RPRD1A: variants seen among roughly 807,000 people sequenced by gnomAD.
RPRD1A encodes regulation of nuclear pre-mRNA domain containing 1A, also known as regulation of nuclear pre-mRNA domain-containing protein 1A.
A neutral mutation model predicts 37.8 loss-of-function variants in RPRD1A; 9 were observed. The observed-to-expected ratio is 0.24, with a 90% confidence interval of 0.14 to 0.42. RPRD1A has a LOEUF of 0.42. RPRD1A is among the 10% of genes least tolerant of loss of function. The pLI is 1.00. For missense variants in RPRD1A, 255 were observed against 371.0 expected, an observed-to-expected ratio of 0.69 and a Z score of 2.57; for synonymous variants, 138 against 139.7, an observed-to-expected ratio of 0.99 and a Z score of 0.08.
Position 35,999,211 on chromosome 18 carries a change from C to T in RPRD1A, c.790-5911G>A, listed in dbSNP as rs9966751. 9.8e-3 allele frequency among the ~76,000 whole-genome samples: 1,496 copies of T among 152,222 alleles called. 24 individuals are homozygous for T. Among genetic ancestry groups the T allele is most frequent in the African/African-American group, 0.034 (1,419 of 41,514 alleles). ...AGCAGGGGACTGAGTATTAACAGTA[C>T]GCCCCAGTCAACACTCCATGAAGTC... On this transcript the variant is annotated intron_variant, in intron 6 of 6. Coordinates refer to ENST00000399022, the MANE Select transcript of RPRD1A (RefSeq NM_018170.5).
intron 6 of RPRD1A, among the ~76,000 whole-genome samples, chr18:36,016,225 T>C (rs1370609764): frequency 1.3e-5 from 2 of 152,054 alleles, no homozygotes; most frequent in East Asian, 3.9e-4. Flanking sequence ...ATATCTTTTC[T>C]TTTTTCTTTT....
At chr18:36,016,978 T>C (rs1432427597) in intron 6 of RPRD1A, among the ~76,000 whole-genome samples, 1 of 151,978 alleles carries the variant, frequency 6.6e-6, no homozygotes, top group Non-Finnish European at 1.5e-5. Flanking sequence ...TCAATGGTTT[T>C]TCAACTATGA....
chr18:36,051,015 A>G (rs1470388222), intron 1 of RPRD1A, among the ~76,000 whole-genome samples: 1 of 152,070 alleles, frequency 6.6e-6, no homozygotes, highest in Non-Finnish European at 1.5e-5. Context: ...AAAAACCTGC[A>G]TATAATTTTT....
At chr18:36,029,189 C>G (rs954369156) in intron 4 of RPRD1A, among the ~76,000 whole-genome samples, 10 of 152,194 alleles carry the variant, frequency 6.6e-5, no homozygotes, top group Non-Finnish European at 1.5e-4. Context: ...AGGTCGTGGC[C>G]TTGGTCTGAT....
intron 1 of RPRD1A, among the ~76,000 whole-genome samples, chr18:36,036,627 A>T (rs1912211300): frequency 6.6e-6 from 1 of 152,162 alleles, no homozygotes; most frequent in African/African-American, 2.4e-5. Context: ...GCCCTTCCCT[A>T]AATTTTCAGG....
intron 6 of RPRD1A, among the ~76,000 whole-genome samples, chr18:36,011,439 A>C (rs1341762517): frequency 6.6e-6 from 1 of 152,170 alleles, no homozygotes; most frequent in Non-Finnish European, 1.5e-5. Context: ...ACATGTAAAA[A>C]TATTTTATTT....
intron 6 of RPRD1A, among the ~76,000 whole-genome samples, chr18:36,020,470 A>G (rs1910921320): frequency 6.6e-6 from 1 of 152,226 alleles, no homozygotes; most frequent in Admixed American, 6.5e-5. Flanking sequence ...ATCATCAAAG[A>G]AGGCAATAAG....
intron 6 of RPRD1A, among the ~76,000 whole-genome samples, chr18:35,996,977 C>CAAAAAA (rs200694089): frequency 3.4e-4 from 19 of 55,618 alleles, no homozygotes; most frequent in African/African-American, 1.3e-3. Flanking sequence ...GACCCTGTCT[C>CAAAAAA]AAAAAAAAAA....
chr18:36,059,990 G>A (rs2088873352), intron 1 of RPRD1A, among the ~76,000 whole-genome samples: 1 of 152,114 alleles, frequency 6.6e-6, no homozygotes, highest in African/African-American at 2.4e-5. Context: ...GAAGGTGCTA[G>A]CATTGTCTAC....
At chr18:36,064,709 A>G (rs1430665648) in intron 1 of RPRD1A, among the ~76,000 whole-genome samples, 3 of 152,304 alleles carry the variant, frequency 2.0e-5, no homozygotes, top group South Asian at 2.1e-4. Flanking sequence ...GGGCCAGATA[A>G]GAGAATAAAA....
intron 1 of RPRD1A, among the ~76,000 whole-genome samples, chr18:36,057,042 C>T (rs1337590181): frequency 1.9e-5 from 2 of 105,784 alleles, no homozygotes; most frequent in African/African-American, 4.2e-5. Context: ...CAGCTAGACC[C>T]TGTTTCTACA....
chr18:35,992,249 T>C lies in RPRD1A; in HGVS notation c.*902A>G, dbSNP rs140068923. On this transcript the variant is annotated 3_prime_UTR_variant, in exon 7 of 7. Transcript: ENST00000399022. ...TGAGCTATTAGAGCTAAAAGTATTA[T>C]TTTTAAAGTTATATGAGCAAGGGAA... 8.5e-4 allele frequency: 130 copies of C among 152,750 alleles called. No homozygotes were observed. Among genetic ancestry groups the C allele is most frequent in the African/African-American group, 3.0e-3 (126 of 41,588 alleles). 9.5% of individuals were successfully genotyped at this position (152,750 alleles called of 1,614,324 possible).
chr18:36,005,804 C>T (rs1909710406), intron 6 of RPRD1A, among the ~76,000 whole-genome samples: 1 of 152,172 alleles, frequency 6.6e-6, no homozygotes, highest in Admixed American at 6.6e-5. Context: ...AGATAGACAT[C>T]CAAGCAGGAA....
At chr18:36,019,092 G>C (rs990314536) in intron 6 of RPRD1A, among the ~76,000 whole-genome samples, 4 of 151,522 alleles carry the variant, frequency 2.6e-5, no homozygotes, top group Non-Finnish European at 5.9e-5. Flanking sequence ...AAGTGTAATG[G>C]GGACCATTGA....
At chr18:36,003,851 T>C (rs1256492303) in intron 6 of RPRD1A, among the ~76,000 whole-genome samples, 1 of 152,018 alleles carries the variant, frequency 6.6e-6, no homozygotes, top group African/African-American at 2.4e-5. Context: ...CAGGCTGGAG[T>C]GCAGCAGCAT....
chr18:36,043,384 T>C (rs1435044974), intron 1 of RPRD1A, among the ~76,000 whole-genome samples: 1 of 152,202 alleles, frequency 6.6e-6, no homozygotes, highest in East Asian at 1.9e-4. Flanking sequence ...CCTGTATCAA[T>C]GCTTGGTTAA....
intron 6 of RPRD1A, among the ~76,000 whole-genome samples, chr18:36,011,789 A>G (rs1910195072): frequency 6.6e-6 from 1 of 152,186 alleles, no homozygotes; most frequent in Admixed American, 6.6e-5. Flanking sequence ...GCAAAAATAA[A>G]TGTCATAAAC....
chr18:36,008,573 G>GTATATATATATATATATATATA (rs1339247337), intron 6 of RPRD1A, among the ~76,000 whole-genome samples: 3 of 36,632 alleles, frequency 8.2e-5, no homozygotes, highest in Admixed American at 3.5e-4. Context: ...AAGACCTTGT[G>GTATATATATATATATATATATA]TGTGTATATA....
chr18:36,013,949 G>C (rs914228223), intron 6 of RPRD1A, among the ~76,000 whole-genome samples: 9 of 152,068 alleles, frequency 5.9e-5, no homozygotes, highest in Admixed American at 3.3e-4. Flanking sequence ...GAGAAACTCA[G>C]ATAATGGGAT....
Sources: allele counts gnomAD v4.1 joint callset (sites outside exome capture counted in the v4.1 genomes callset), GRCh38; gene constraint gnomAD v4.1.1; transcripts MANE v1.5; gene names NCBI Gene and HGNC (gene_info 2026-07-23, HGNC 2026-07-21).